The following GDNF variants were observed in gnomAD, a reference collection of about 807,000 sequenced individuals.
The protein encoded by GDNF is glial cell line-derived neurotrophic factor.
A neutral mutation model predicts 13.7 loss-of-function variants in GDNF; 5 were observed. The ratio of observed to expected loss-of-function variants is 0.36; its 90% CI spans 0.19 to 0.77. GDNF has a LOEUF of 0.77. Ranked by LOEUF, GDNF falls within the 30% of genes least tolerant of loss-of-function variation. The probability of loss-of-function intolerance (pLI) is 0.51; values close to 1 mark genes in which losing one functional copy is unlikely to be tolerated. For synonymous variants in GDNF, 122 were observed against 112.5 expected (o/e 1.08, Z -0.53); for missense variants, 246 against 274.3 (o/e 0.90, Z 0.73).
At chr5:37,835,296 C>T (rs3812047) in intron 1 of GDNF, 61,277 of 452,296 alleles carry the variant, frequency 0.14, 4,876 homozygotes, top group African/African-American at 0.25. Flanking sequence ...CAAGCAAGGA[C>T]GGTGTTTCTC....
rs1262225583 is a variant in GDNF, at chr5:37,837,454, G to A, written c.-27+2053C>T. ...GCAAAAGCAGCAGGCCGTGGGCGCC[G>A]GCACCTGTGGGTCCCCAGGCCTGGG... On this transcript the variant is annotated intron_variant, in intron 1 of 2. Coordinates refer to ENST00000326524, the MANE Select transcript of GDNF (RefSeq NM_000514.4). This position sits in a 1 kb window ranked among gnomAD's most constrained non-coding sequence, Gnocchi z 6.5. Among the ~76,000 whole-genome samples the A allele has an allele frequency of 6.6e-6, 1 of 152,022 alleles. No individual in the cohort carries two copies. Among genetic ancestry groups the A allele is most frequent in the Non-Finnish European group, 1.5e-5 (1 of 67,982 alleles).
chr5:37,827,671 A>T lies in GDNF; in HGVS notation c.151+6975T>A, dbSNP rs1488277488. The stretch of plus-strand genomic sequence containing the variant: ...AGGATCCAGAATTGTGACAGTTGTC[A>T]TGGGGTGTATATTAACATGTACATT... On this transcript the variant is annotated intron_variant, in intron 2 of 2. Transcript: ENST00000326524. Among the ~76,000 whole-genome samples the T allele has an allele frequency of 6.6e-5, 10 of 152,188 alleles. No homozygotes were observed. The East Asian group carries it at 1.7e-3, about 26-fold the overall frequency.
intron 2 of GDNF, among the ~76,000 whole-genome samples, chr5:37,825,825 G>A (rs921376166): frequency 2.0e-5 from 3 of 152,206 alleles, no homozygotes; most frequent in African/African-American, 7.2e-5. Context: ...GAGGGACTAA[G>A]AGAAGATGAA....
In GDNF at chr5:37,832,470, G is replaced by A. The variant is rs79126878; in HGVS notation, c.151+2176C>T. 5.0e-3 allele frequency among the ~76,000 whole-genome samples: 763 copies of A among 152,302 alleles called. 6 individuals are homozygous for A. The highest frequency in any genetic ancestry group is 0.022 in the South Asian group (104 of 4,822). ...TCAATTTGGCTTAGAATGCAGCTCA[G>A]TTTCTCTTTGGGAACGTTTCTTTTT... is the stretch of plus-strand genomic sequence containing the variant. On this transcript the variant is annotated intron_variant, in intron 2 of 2. Coordinates refer to ENST00000326524, the MANE Select transcript of GDNF (RefSeq NM_000514.4).
chr5:37,830,923 T>C (rs1300262939), intron 2 of GDNF, among the ~76,000 whole-genome samples: 1 of 152,224 alleles, frequency 6.6e-6, no homozygotes, highest in East Asian at 1.9e-4. Flanking sequence ...TCTTGTTCTG[T>C]GCCCTCCTTT....
At chr5:37,818,454 C>T (rs957587926) in intron 2 of GDNF, among the ~76,000 whole-genome samples, 2 of 152,226 alleles carry the variant, frequency 1.3e-5, no homozygotes, top group Admixed American at 6.5e-5. Flanking sequence ...CCTTTGCCTT[C>T]TGCCATGATT....
chr5:37,820,678 A>AG (rs1750103430), intron 2 of GDNF, among the ~76,000 whole-genome samples: 1 of 152,180 alleles, frequency 6.6e-6, no homozygotes, highest in Non-Finnish European at 1.5e-5. Context: ...ATGCATGTGT[A>AG]GGGGTAGGGA....
chr5:37,815,303 C>A lies in GDNF; in HGVS notation c.*348G>T. ...TTCAAGTGCATCCACCGCAACCGCG[C>A]CGGTAATCAGTGATGGTGGACTGTA... is the stretch of plus-strand genomic sequence containing the variant. On this transcript the variant is annotated 3_prime_UTR_variant, in exon 3 of 3. Transcript: ENST00000326524. The surrounding 1 kb of genome is among the most constrained non-coding windows in gnomAD (Gnocchi z 5.0). The A allele has an allele frequency of 1.1e-5, 4 of 365,656 alleles. No homozygotes were observed. Among genetic ancestry groups the A allele is most frequent in the Non-Finnish European group, 2.1e-5 (4 of 194,960 alleles). The allele number at this position is 365,656 out of a possible 1,614,324, so 22.7% of individuals were successfully genotyped here. A position where few individuals can be genotyped will look rare whatever the true frequency, so the allele number is the denominator to read the frequency against.
chr5:37,822,356 C>T (rs1187906588), intron 2 of GDNF, among the ~76,000 whole-genome samples: 2 of 152,142 alleles, frequency 1.3e-5, no homozygotes, highest in African/African-American at 2.4e-5. Flanking sequence ...ACTATAGTGT[C>T]CAGCTTCTGT....
At position 37,815,539 on chromosome 5, in the gene GDNF, T is replaced by A; in HGVS notation, c.*112A>T. On this transcript the variant is annotated 3_prime_UTR_variant, in exon 3 of 3. Coordinates refer to ENST00000326524, the MANE Select transcript of GDNF (RefSeq NM_000514.4). This position sits in a 1 kb window ranked among gnomAD's most constrained non-coding sequence, Gnocchi z 5.0. ...CTCCTCCTCTTCTTCTTCCTCCTCCTCCGCCTCCTTGGTCCTCATCTTCCA... is the reference window on the plus strand; with the variant it reads ...CTCCTCCTCTTCTTCTTCCTCCTCCACCGCCTCCTTGGTCCTCATCTTCCA... 1 of 985,688 alleles carries A rather than the reference T, an allele frequency of 1.0e-6. No individual in the cohort carries two copies. The allele number at this position is 985,688 out of a possible 1,614,324, so 61.1% of individuals were successfully genotyped here.
chr5:37,822,005 C>T (rs1176885761), intron 2 of GDNF, among the ~76,000 whole-genome samples: 1 of 152,130 alleles, frequency 6.6e-6, no homozygotes, highest in Non-Finnish European at 1.5e-5. Flanking sequence ...GCTGGTTGTC[C>T]CCTCCTCAGC....
chr5:37,816,094 T>A lies in GDNF; in HGVS notation c.193A>T (p.Met65Leu). 5 of 1,613,322 alleles carry A rather than the reference T, an allele frequency of 3.1e-6. No individual in the cohort carries two copies. Among genetic ancestry groups the A allele is most frequent in the Non-Finnish European group, 4.2e-6 (5 of 1,179,266 alleles). The part of the protein sequence containing the change: ...EDYPDQFDDV[M>L]DFIQATIKRL... The stretch of plus-strand genomic sequence containing the variant: ...TTAATGGTGGCTTGAATAAAATCCA[T>A]GACATCATCGAACTGATCAGGATAA... Residue 65 changes from methionine (M) to leucine (L), a missense_variant, in exon 3 of 3, where the codon ATG (methionine) becomes TTG (leucine). Physicochemically the swap from Met to Leu is conservative, Grantham distance 15. Transcript: ENST00000326524.
intron 2 of GDNF, among the ~76,000 whole-genome samples, chr5:37,819,342 TG>T (rs2111647292): frequency 6.6e-6 from 1 of 152,216 alleles, no homozygotes; most frequent in South Asian, 2.1e-4. Context: ...TCTGCAGCTT[TG>T]CAGCAGCATT....
At chr5:37,827,337 A>G (rs1417516963) in intron 2 of GDNF, among the ~76,000 whole-genome samples, 1 of 152,246 alleles carries the variant, frequency 6.6e-6, no homozygotes, top group African/African-American at 2.4e-5. Context: ...AATTGTGGCT[A>G]TATAAGACAT....
intron 2 of GDNF, among the ~76,000 whole-genome samples, chr5:37,831,707 A>G (rs191926036): frequency 2.0e-5 from 3 of 152,278 alleles, no homozygotes; most frequent in Admixed American, 1.3e-4. Flanking sequence ...AGGTTTCAGG[A>G]CTAGAGGGGT....
rs1303352597 is a variant in GDNF at position 37,838,934 on chromosome 5, C to T, written c.-27+573G>A. Among the ~76,000 whole-genome samples, 1 of 152,178 alleles carries T rather than the reference C, an allele frequency of 6.6e-6. No homozygotes were observed. The highest frequency in any genetic ancestry group is 1.5e-5 in the Non-Finnish European group (1 of 68,032). On this transcript the variant is annotated intron_variant, in intron 1 of 2. Transcript: ENST00000326524. The surrounding 1 kb of genome is among the most constrained non-coding windows in gnomAD (Gnocchi z 4.1). The stretch of plus-strand genomic sequence containing the variant: ...TAGTTGGGGTGGAGGGCGTTAGGAA[C>T]GTGCAGGCAACCGGGTGAGGAATGT...
At chr5:37,833,971 T>G (rs1750609112) in intron 2 of GDNF, among the ~76,000 whole-genome samples, 1 of 152,302 alleles carries the variant, frequency 6.6e-6, no homozygotes, top group South Asian at 2.1e-4. Flanking sequence ...ATAACCTGGG[T>G]TTTTTTCTCA....
At chr5:37,835,096 C>T (rs1338566911) in intron 1 of GDNF, among the ~76,000 whole-genome samples, 1 of 152,088 alleles carries the variant, frequency 6.6e-6, no homozygotes, top group Non-Finnish European at 1.5e-5. Flanking sequence ...TCAAGCAGGG[C>T]TGCTGTCCCC....
chr5:37,825,168 A>G (rs1192150644), intron 2 of GDNF, among the ~76,000 whole-genome samples: 109 of 152,196 alleles, frequency 7.2e-4, no homozygotes, highest in Non-Finnish European at 1.5e-5. Flanking sequence ...GTTATCCTAC[A>G]ACTCAACTAA....
Sources: allele counts gnomAD v4.1 joint callset (sites outside exome capture counted in the v4.1 genomes callset), GRCh38; gene constraint gnomAD v4.1.1; non-coding constraint Gnocchi (gnomAD v3.1); transcripts MANE v1.5; gene names NCBI Gene and HGNC (gene_info 2026-07-23, HGNC 2026-07-21).